ZMIZ1: variants seen among roughly 807,000 people sequenced by gnomAD.
ZMIZ1 encodes zinc finger MIZ-type containing 1.
A neutral mutation model predicts 113.9 loss-of-function variants in ZMIZ1; 17 were observed. The observed-to-expected ratio is 0.15, with a 90% confidence interval of 0.10 to 0.22. ZMIZ1 has a LOEUF of 0.22. ZMIZ1 is among the 10% of genes least tolerant of loss of function. The pLI is 1.00. For missense variants in ZMIZ1, 1,059 were observed against 1,477.8 expected, an observed-to-expected ratio of 0.72 and a Z score of 4.65; for synonymous variants, 607 against 603.1, an observed-to-expected ratio of 1.01 and a Z score of -0.09.
At chr10:79,184,779 C>T (rs1442402299) in intron 4 of ZMIZ1, among the ~76,000 whole-genome samples, 3 of 152,238 alleles carry the variant, frequency 2.0e-5, no homozygotes, top group Non-Finnish European at 4.4e-5. Context: ...TCCAGTTCCC[C>T]TGTGCCAGCC....
chr10:79,202,189 GAAAAAAA>G (rs58021590), intron 5 of ZMIZ1, among the ~76,000 whole-genome samples: 9 of 52,636 alleles, frequency 1.7e-4, no homozygotes, highest in Admixed American at 2.5e-4. Context: ...CCCTGTCTCA[GAAAAAAA>G]AAAAAAAAAA....
At chr10:79,233,751 C>A (rs1849485374) in intron 7 of ZMIZ1, among the ~76,000 whole-genome samples, 2 of 150,798 alleles carry the variant, frequency 1.3e-5, no homozygotes, top group Admixed American at 6.6e-5. Flanking sequence ...GGCTCCTCAT[C>A]CTCTGGAAAA....
At chr10:79,229,077 C>T (rs1185129394) in intron 7 of ZMIZ1, among the ~76,000 whole-genome samples, 1 of 152,204 alleles carries the variant, frequency 6.6e-6, no homozygotes, top group Non-Finnish European at 1.5e-5. Flanking sequence ...CTTGGGGTCC[C>T]ACAGATCTAG....
intron 1 of ZMIZ1, among the ~76,000 whole-genome samples, chr10:79,095,454 C>T (rs183245697): frequency 1.3e-3 from 201 of 152,312 alleles, no homozygotes; most frequent in African/African-American, 4.5e-3. Flanking sequence ...TGGCAATAAC[C>T]CTTGTGCAGA....
Position 79,115,042 on chromosome 10 carries a change from G to T in ZMIZ1, c.-336-3873G>T, listed in dbSNP as rs557354465. Among the ~76,000 whole-genome samples the T allele has an allele frequency of 7.2e-5, 11 of 152,366 alleles. No individual in the cohort carries two copies. The East Asian group carries it at 2.1e-3, about 29-fold the overall frequency. ...AGGGGAAAGGCCTGGGAAGTTGTGGGTTTAACAATCAGCCCAGGTGATTCT... is the reference window on the plus strand; with the variant it reads ...AGGGGAAAGGCCTGGGAAGTTGTGGTTTTAACAATCAGCCCAGGTGATTCT... On this transcript the variant is annotated intron_variant, in intron 1 of 24. Transcript: ENST00000334512.
At chr10:79,088,567 A>C (rs1420118108) in intron 1 of ZMIZ1, among the ~76,000 whole-genome samples, 1 of 152,128 alleles carries the variant, frequency 6.6e-6, no homozygotes, top group Non-Finnish European at 1.5e-5. Flanking sequence ...AGAGGGACAC[A>C]TGGGAACCTT....
Position 79,307,396 on chromosome 10 carries a change from C to G in ZMIZ1, c.2669-9C>G, listed in dbSNP as rs754260144. ...GACCCCCTCCCCTCCCCATCTCATCCCTTCCTAGGCAACAACTACCAAGGC... is the reference window on the plus strand; with the variant it reads ...GACCCCCTCCCCTCCCCATCTCATCGCTTCCTAGGCAACAACTACCAAGGC... On this transcript the variant is annotated splice_polypyrimidine_tract_variant and intron_variant, in intron 22 of 24. Coordinates refer to ENST00000334512, the MANE Select transcript of ZMIZ1 (RefSeq NM_020338.4). 5.0e-6 allele frequency: 8 copies of G among 1,612,140 alleles called. No individual in the cohort carries two copies. The Admixed American group carries it at 1.3e-4, about 27-fold the overall frequency.
chr10:79,282,275 G>A (rs1852786513), intron 8 of ZMIZ1, among the ~76,000 whole-genome samples: 1 of 152,220 alleles, frequency 6.6e-6, no homozygotes, highest in Non-Finnish European at 1.5e-5. Flanking sequence ...GAATGGCTTG[G>A]AGGCAGGAAG....
intron 3 of ZMIZ1, among the ~76,000 whole-genome samples, chr10:79,147,351 G>A (rs1031203685): frequency 2.0e-5 from 3 of 152,168 alleles, no homozygotes; most frequent in African/African-American, 7.2e-5. Context: ...TTCTGACCAG[G>A]GGGAGCCGAG....
Position 79,302,160 on chromosome 10 carries a change from G to T in ZMIZ1, c.2073G>T (p.Leu691=). 1 of 1,613,990 alleles carries T rather than the reference G, an allele frequency of 6.2e-7. No individual in the cohort carries two copies. Among genetic ancestry groups the T allele is most frequent in the Non-Finnish European group, 8.5e-7 (1 of 1,180,020 alleles). Residue 691 remains leucine, a synonymous_variant, in exon 18 of 25, where the codon CTG becomes CTT. Coordinates refer to ENST00000334512, the MANE Select transcript of ZMIZ1 (RefSeq NM_020338.4). ...ACCGGCCCTCCGTCCGCTCTGTGCTGCAAGGACTCCTCAAGAAGCGCCTCC... is the reference window on the plus strand; with the variant it reads ...ACCGGCCCTCCGTCCGCTCTGTGCTTCAAGGACTCCTCAAGAAGCGCCTCC... The part of the protein sequence containing the change: ...LVHRPSVRSV[L]QGLLKKRLLP...
At chr10:79,256,458 G>A (rs138363725) in intron 7 of ZMIZ1, among the ~76,000 whole-genome samples, 27 of 152,280 alleles carry the variant, frequency 1.8e-4, no homozygotes, top group Non-Finnish European at 3.7e-4. Context: ...TGCAGTGTGT[G>A]CCCTGCATCC....
intron 3 of ZMIZ1, among the ~76,000 whole-genome samples, chr10:79,146,864 G>A (rs984218001): frequency 1.1e-4 from 16 of 152,204 alleles, no homozygotes; most frequent in African/African-American, 3.1e-4. Context: ...AAGGGCAGCC[G>A]GTCACTTGTC....
At chr10:79,201,723 C>T (rs368878672) in intron 5 of ZMIZ1, 31 bp downstream of exon 5, 74 of 1,603,402 alleles carry the variant, frequency 4.6e-5, no homozygotes, top group Admixed American at 6.7e-5. Flanking sequence ...ACTCCGAGGG[C>T]GGGGCAGATG....
At chr10:79,218,056 C>T (rs1188155039) in intron 7 of ZMIZ1, among the ~76,000 whole-genome samples, 3 of 152,178 alleles carry the variant, frequency 2.0e-5, no homozygotes, top group Non-Finnish European at 2.9e-5. Flanking sequence ...ACTTATAGTC[C>T]AGAGCAGGGG....
At chr10:79,179,462 G>C (rs703987) in intron 4 of ZMIZ1, among the ~76,000 whole-genome samples, 105,582 of 152,156 alleles carry the variant, frequency 0.69, 37,178 homozygotes, top group East Asian at 0.9. Flanking sequence ...CTCTGCACCC[G>C]CACTCAGTCT....
Position 79,293,573 on chromosome 10 carries a change from C to T in ZMIZ1, c.1150C>T (p.Arg384Trp). Reference protein sequence around the residue: ...GISPFGTHGQRMPQQTYPGPR... With the variant: ...GISPFGTHGQWMPQQTYPGPR... Reference sequence around the variant, plus strand: ...CAGCCCCTTTGGCACACACGGGCAGCGGATGCCCCAGCAGACCTACCCGGG... The same window carrying T: ...CAGCCCCTTTGGCACACACGGGCAGTGGATGCCCCAGCAGACCTACCCGGG... The change falls in exon 12 of 25, where the codon CGG (arginine) becomes TGG (tryptophan). Residue 384 changes from arginine (R) to tryptophan (W), a missense_variant. By Grantham distance (101) the Arg-to-Trp change is moderately radical (BLOSUM62 -3). Around this residue, in one of 6 missense-constraint regions of ZMIZ1, gnomAD observed 239 missense variants for 247.5 expected, o/e 0.97. Transcript: ENST00000334512. 1.2e-6 allele frequency: 2 copies of T among 1,613,022 alleles called. No individual in the cohort carries two copies. Among genetic ancestry groups the T allele is most frequent in the Non-Finnish European group, 1.7e-6 (2 of 1,179,972 alleles).
Position 79,315,889 on chromosome 10 carries a change from G to T in ZMIZ1, c.*3140G>T, listed in dbSNP as rs751595035. 1.3e-4 allele frequency: 20 copies of T among 152,430 alleles called. No homozygotes were observed. Among genetic ancestry groups the T allele is most frequent in the Non-Finnish European group, 2.5e-4 (17 of 68,002 alleles). 9.4% of individuals were successfully genotyped at this position (152,430 alleles called of 1,614,324 possible). On this transcript the variant is annotated 3_prime_UTR_variant, in exon 25 of 25. Transcript: ENST00000334512. Reference sequence around the variant, plus strand: ...AAAAAAGCTTGGAACTCCATCACGTGGAAAAACTAGATCCTGTTGGTTATA... The same window carrying T: ...AAAAAAGCTTGGAACTCCATCACGTTGAAAAACTAGATCCTGTTGGTTATA...
At chr10:79,175,356 GCCT>G (rs1036364297) in intron 4 of ZMIZ1, among the ~76,000 whole-genome samples, 16 of 152,110 alleles carry the variant, frequency 1.1e-4, no homozygotes, top group Non-Finnish European at 8.8e-5. Flanking sequence ...CTGTGTGTGG[GCCT>G]CCTCTCGTGA....
chr10:79,103,432 CG>C (rs1453002503), intron 1 of ZMIZ1, among the ~76,000 whole-genome samples: 1 of 150,820 alleles, frequency 6.6e-6, no homozygotes, highest in East Asian at 2.0e-4. Context: ...GATCCGCACG[CG>C]GGGAGGGTGA....
Sources: gnomAD v4.1 joint callset for allele counts (sites outside exome capture counted in the v4.1 genomes callset) on GRCh38, gnomAD v4.1.1 for gene constraint, gnomAD v4.1.1 regional missense constraint, MANE v1.5 for transcripts, NCBI Gene and HGNC (gene_info 2026-07-23, HGNC 2026-07-21) for gene names.